The following FLVCR2 variants were observed in gnomAD, a reference collection of about 807,000 sequenced individuals.
FLVCR2 encodes FLVCR choline and putative heme transporter 2.
Under a neutral mutation model 48.9 loss-of-function variants are expected in FLVCR2, and 38 were observed. The ratio of observed to expected loss-of-function variants is 0.78; its 90% confidence interval spans 0.60 to 1.02. The LOEUF (loss-of-function observed/expected upper bound fraction) is 1.02, where lower values mean the gene tolerates loss of function less well. FLVCR2 is among the 50% of genes least tolerant of loss of function. FLVCR2 has a pLI of 0.00. For synonymous variants in FLVCR2, 255 were observed against 257.0 expected (o/e 0.99, Z 0.07); for missense variants, 664 against 663.3 (o/e 1.00, Z -0.01).
In FLVCR2 at chr14:75,588,758, C is replaced by T. The variant is rs186456047; in HGVS notation, c.669+9117C>T. On this transcript the variant is annotated intron_variant, in intron 1 of 9. Coordinates refer to ENST00000238667, the MANE Select transcript of FLVCR2 (RefSeq NM_017791.3). ...CCTCCCAAAGTGTTTGGATTACAGGCGTGAGCCACTGCACCTGGCCCCCCA... is the reference window on the plus strand; with the variant it reads ...CCTCCCAAAGTGTTTGGATTACAGGTGTGAGCCACTGCACCTGGCCCCCCA... Among the ~76,000 whole-genome samples the T allele has an allele frequency of 4.3e-4, 65 of 152,270 alleles. No homozygotes were observed. In the South Asian group the frequency reaches 8.3e-3, roughly 19 times the overall value.
intron 1 of FLVCR2, among the ~76,000 whole-genome samples, chr14:75,587,745 T>A (rs375553418): frequency 2.9e-4 from 44 of 152,288 alleles, no homozygotes; most frequent in African/African-American, 9.9e-4. Context: ...TGTGCAAGGG[T>A]CAAAAGAAAA....
In FLVCR2 at chr14:75,613,803, G is replaced by A. The variant is rs897367424; in HGVS notation, c.670-8276G>A. Among the ~76,000 whole-genome samples, 53 of 152,170 alleles carry A rather than the reference G, an allele frequency of 3.5e-4. 1 individual carries two copies. Among genetic ancestry groups the A allele is most frequent in the Middle Eastern group, 3.4e-3 (1 of 294 alleles). On this transcript the variant is annotated intron_variant, in intron 1 of 9. Transcript: ENST00000238667. ...TGACCTCAAATGATCCACCCACCTT[G>A]GCCTCCCAAAGTGCTGGGATTATAG...
At chr14:75,593,997 A>G (rs1023417504) in intron 1 of FLVCR2, among the ~76,000 whole-genome samples, 6 of 152,164 alleles carry the variant, frequency 3.9e-5, no homozygotes, top group African/African-American at 1.4e-4. Flanking sequence ...GTAGCAATAC[A>G]GCTCCTTCAA....
Position 75,579,500 on chromosome 14 carries a change from C to G in FLVCR2, c.528C>G (p.Leu176=). 1 of 1,613,014 alleles carries G rather than the reference C, an allele frequency of 6.2e-7. No homozygotes were observed. Among genetic ancestry groups the G allele is most frequent in the East Asian group, 2.2e-5 (1 of 44,876 alleles). ...AGCTGGGCAGCCTGAAGCCGCATCTCTTTCCGGTCACCGTGGTGGGCCAGC... is the reference window on the plus strand; with the variant it reads ...AGCTGGGCAGCCTGAAGCCGCATCTGTTTCCGGTCACCGTGGTGGGCCAGC... The part of the protein sequence containing the change: ...WVKLGSLKPH[L]FPVTVVGQLI... Residue 176 remains leucine (L), a synonymous_variant, in exon 1 of 10, where the codon CTC becomes CTG. Coordinates refer to ENST00000238667, the MANE Select transcript of FLVCR2 (RefSeq NM_017791.3).
chr14:75,580,609 G>T (rs1214398116), intron 1 of FLVCR2, among the ~76,000 whole-genome samples: 1 of 152,206 alleles, frequency 6.6e-6, no homozygotes, highest in Non-Finnish European at 1.5e-5. Flanking sequence ...GTCAGCAAAG[G>T]GTGGTGGATT....
rs1188899456 is a variant in FLVCR2, at chr14:75,635,969, T to C, written c.1124+956T>C. 6.4e-4 allele frequency among the ~76,000 whole-genome samples: 97 copies of C among 152,258 alleles called. 3 individuals are homozygous for C. The highest frequency in any genetic ancestry group is 6.3e-3 in the Admixed American group (97 of 15,304). On this transcript the variant is annotated intron_variant, in intron 5 of 9. Transcript: ENST00000238667. ...GCCAAATCAGCAGAAGAATCTGCAT[T>C]TGTAGAAAGCAGCCTGGGTGCCTCC...
At chr14:75,631,530 C>T (rs1890037262) in intron 3 of FLVCR2, among the ~76,000 whole-genome samples, 1 of 152,080 alleles carries the variant, frequency 6.6e-6, no homozygotes, top group South Asian at 2.1e-4. Flanking sequence ...TTTTTTTGCT[C>T]CCAGTCCTTC....
chr14:75,578,854 C>G lies in FLVCR2; in HGVS notation c.-119C>G. ...GAGGCTTTTACGCAGCCTCTAGTCTCTGTTTCTTCTGGAATAGGCAAGTGT... is the reference window on the plus strand; with the variant it reads ...GAGGCTTTTACGCAGCCTCTAGTCTGTGTTTCTTCTGGAATAGGCAAGTGT... On this transcript the variant is annotated 5_prime_UTR_variant, in exon 1 of 10. Coordinates refer to ENST00000238667, the MANE Select transcript of FLVCR2 (RefSeq NM_017791.3). 1 of 920,568 alleles carries G rather than the reference C, an allele frequency of 1.1e-6. No individual in the cohort carries two copies. Among genetic ancestry groups the G allele is most frequent in the South Asian group, 1.4e-5 (1 of 72,640 alleles). The allele number at this position is 920,568 out of a possible 1,614,324, so 57.0% of individuals were successfully genotyped here.
intron 1 of FLVCR2, among the ~76,000 whole-genome samples, chr14:75,598,161 T>C (rs978881972): frequency 1.3e-5 from 2 of 152,114 alleles, no homozygotes; most frequent in African/African-American, 4.8e-5. Context: ...GGTTGATTTA[T>C]GATACGTTTG....
chr14:75,583,322 G>A (rs1051803556), intron 1 of FLVCR2, among the ~76,000 whole-genome samples: 6 of 152,272 alleles, frequency 3.9e-5, no homozygotes, highest in East Asian at 1.9e-4. Flanking sequence ...GTGAAATGGC[G>A]GAATTGTAGG....
At chr14:75,622,652 T>C (rs1889794679) in intron 2 of FLVCR2, among the ~76,000 whole-genome samples, 1 of 152,100 alleles carries the variant, frequency 6.6e-6, no homozygotes. Context: ...GGAAGTTATA[T>C]AAACTGTTTG....
intron 1 of FLVCR2, among the ~76,000 whole-genome samples, chr14:75,596,587 A>G (rs980425710): frequency 2.0e-5 from 3 of 152,134 alleles, no homozygotes; most frequent in African/African-American, 7.2e-5. Flanking sequence ...CCAGATTTTT[A>G]TGTGAAATCT....
chr14:75,592,791 C>T (rs1750102226), intron 1 of FLVCR2, among the ~76,000 whole-genome samples: 1 of 151,902 alleles, frequency 6.6e-6, no homozygotes. Flanking sequence ...GAGTTCGAGA[C>T]TAGCCTGGCC....
chr14:75,611,470 T>A (rs1431745466), intron 1 of FLVCR2, among the ~76,000 whole-genome samples: 1 of 152,204 alleles, frequency 6.6e-6, no homozygotes, highest in African/African-American at 2.4e-5. Context: ...GCACAGTGGC[T>A]CATGCCTGTA....
intron 1 of FLVCR2, among the ~76,000 whole-genome samples, chr14:75,603,018 T>C (rs1479501116): frequency 3.9e-5 from 6 of 152,154 alleles, no homozygotes; most frequent in Non-Finnish European, 5.9e-5. Context: ...TTTCTGGTGG[T>C]TCGTCTATTT....
intron 1 of FLVCR2, chr14:75,596,203 T>C (rs1889016713): frequency 2.9e-6 from 2 of 697,912 alleles, no homozygotes; most frequent in Non-Finnish European, 5.2e-6. Context: ...ACTGTGTCGT[T>C]CATGATGGTG....
intron 1 of FLVCR2, among the ~76,000 whole-genome samples, chr14:75,606,575 C>T (rs80064545): frequency 1.3e-5 from 2 of 152,146 alleles, no homozygotes; most frequent in Non-Finnish European, 2.9e-5. Context: ...GCTGAGAATT[C>T]TCTTGATTTC....
intron 1 of FLVCR2, among the ~76,000 whole-genome samples, chr14:75,588,251 C>T (rs1332086101): frequency 6.6e-6 from 1 of 152,216 alleles, no homozygotes; most frequent in Non-Finnish European, 1.5e-5. Context: ...AAGCGACCAG[C>T]ATCTGGTGAT....
chr14:75,624,783 C>A, intron 3 of FLVCR2, 31 bp downstream of exon 3: 1 of 1,612,938 alleles, frequency 6.2e-7, no homozygotes, highest in Non-Finnish European at 8.5e-7. Context: ...GGAATGCATT[C>A]GAGCTGGAAA....
Sources: gnomAD v4.1 joint callset for allele counts (sites outside exome capture counted in the v4.1 genomes callset) on GRCh38, gnomAD v4.1.1 for gene constraint, MANE v1.5 for transcripts, NCBI Gene and HGNC (gene_info 2026-07-23, HGNC 2026-07-21) for gene names.